The following RAD51B variants were observed in gnomAD, a reference collection of about 807,000 sequenced individuals.
RAD51B encodes the protein DNA repair protein RAD51 homolog 2.
Under a neutral mutation model 42.2 loss-of-function variants are expected in RAD51B, and 38 were observed. That is an observed-to-expected ratio of 0.90 (90% CI 0.70 to 1.18). The LOEUF is 1.18. Ranked by LOEUF, RAD51B falls within the 50% of genes most tolerant of loss-of-function variation. The pLI is 0.00. For missense variants in RAD51B, 373 were observed against 400.7 expected (o/e 0.93, Z 0.59); for synonymous variants, 154 against 145.2 (o/e 1.06, Z -0.43).
chr14:67,881,823 C>T (rs1000073169), intron 5 of RAD51B, among the ~76,000 whole-genome samples: 3 of 152,168 alleles, frequency 2.0e-5, no homozygotes, highest in South Asian at 4.1e-4. Context: ...AAGTGGAAAT[C>T]CCTTCTTTCA....
intron 7 of RAD51B, among the ~76,000 whole-genome samples, chr14:68,101,005 G>A (rs555446518): frequency 1.3e-5 from 2 of 152,328 alleles, no homozygotes; most frequent in East Asian, 3.9e-4. Flanking sequence ...GGCAGAAGGG[G>A]AAGCAAATAT....
intron 7 of RAD51B, among the ~76,000 whole-genome samples, chr14:68,059,309 C>T (rs920026490): frequency 6.6e-6 from 1 of 152,206 alleles, no homozygotes; most frequent in South Asian, 2.1e-4. Flanking sequence ...GTTATCTTCA[C>T]AAGATCTGAG....
chr14:68,555,398 C>A (rs551533458), intron 10 of RAD51B, among the ~76,000 whole-genome samples: 1 of 152,308 alleles, frequency 6.6e-6, no homozygotes, highest in East Asian at 1.9e-4. Flanking sequence ...ACATGAAACG[C>A]GCCAGAGTGT....
chr14:68,093,000 G>A (rs1339804786), intron 7 of RAD51B, among the ~76,000 whole-genome samples: 15 of 149,614 alleles, frequency 1.0e-4, no homozygotes, highest in East Asian at 1.9e-4. Flanking sequence ...GCTGGATTAC[G>A]TTTATTGATT....
intron 7 of RAD51B, among the ~76,000 whole-genome samples, chr14:68,262,214 A>G (rs1479190718): frequency 6.6e-6 from 1 of 152,120 alleles, no homozygotes; most frequent in African/African-American, 2.4e-5. Flanking sequence ...TGGAAAGAGG[A>G]GAAGGCATGA....
At chr14:68,326,756 G>T (rs2082259672) in intron 8 of RAD51B, among the ~76,000 whole-genome samples, 1 of 152,162 alleles carries the variant, frequency 6.6e-6, no homozygotes, top group Non-Finnish European at 1.5e-5. Flanking sequence ...TATTGTGTCA[G>T]CCAGGATGCC....
intron 7 of RAD51B, among the ~76,000 whole-genome samples, chr14:68,102,353 A>AT (rs1429804875): frequency 2.0e-5 from 3 of 152,034 alleles, no homozygotes; most frequent in East Asian, 1.9e-4. Flanking sequence ...TTCTATTGCA[A>AT]TTTTTTAAAA....
chr14:68,281,879 G>A (rs771686350), intron 7 of RAD51B, among the ~76,000 whole-genome samples: 1 of 152,092 alleles, frequency 6.6e-6, no homozygotes, highest in Non-Finnish European at 1.5e-5. Context: ...AGTGTTCCAG[G>A]AGGCCATTTC....
chr14:68,570,179 C>A (rs1889624081), intron 10 of RAD51B, among the ~76,000 whole-genome samples: 1 of 152,098 alleles, frequency 6.6e-6, no homozygotes, highest in Non-Finnish European at 1.5e-5. Context: ...ATACCCAGGT[C>A]CCTCTGCCCT....
At chr14:68,309,300 T>C (rs1391555974) in intron 8 of RAD51B, among the ~76,000 whole-genome samples, 1 of 152,150 alleles carries the variant, frequency 6.6e-6, no homozygotes, top group Non-Finnish European at 1.5e-5. Context: ...AGTGTGGATG[T>C]CTGTTACCCA....
At chr14:68,288,626 G>A (rs2081457779) in intron 7 of RAD51B, among the ~76,000 whole-genome samples, 1 of 152,226 alleles carries the variant, frequency 6.6e-6, no homozygotes, top group Non-Finnish European at 1.5e-5. Flanking sequence ...AGTGAAGTGA[G>A]AATAAAACTG....
At chr14:68,144,103 A>T (rs1040328327) in intron 7 of RAD51B, among the ~76,000 whole-genome samples, 1 of 152,148 alleles carries the variant, frequency 6.6e-6, no homozygotes, top group South Asian at 2.1e-4. Context: ...GGATAACCAG[A>T]GCCTCTGTAC....
chr14:68,579,081 A>G (rs1890097921), intron 10 of RAD51B, among the ~76,000 whole-genome samples: 1 of 152,120 alleles, frequency 6.6e-6, no homozygotes, highest in Admixed American at 6.5e-5. Context: ...TGCCAGATTC[A>G]GCTCTCTTGA....
chr14:68,276,226 T>G (rs1490888903), intron 7 of RAD51B, among the ~76,000 whole-genome samples: 1 of 152,148 alleles, frequency 6.6e-6, no homozygotes, highest in African/African-American at 2.4e-5. Context: ...CTTCTGCCAT[T>G]TAGAATGACC....
chr14:68,029,705 C>T (rs1344706475), intron 7 of RAD51B, among the ~76,000 whole-genome samples: 1 of 152,148 alleles, frequency 6.6e-6, no homozygotes, highest in Admixed American at 6.5e-5. Context: ...TGACCTTTTC[C>T]AGCGAATCAG....
intron 4 of RAD51B, among the ~76,000 whole-genome samples, chr14:67,853,167 C>T (rs1161630213): frequency 6.6e-6 from 1 of 152,176 alleles, no homozygotes; most frequent in African/African-American, 2.4e-5. Flanking sequence ...GAACCTCAGA[C>T]CTAGAGCTGC....
At chr14:68,093,942 C>T (rs2077147704) in intron 7 of RAD51B, among the ~76,000 whole-genome samples, 2 of 152,322 alleles carry the variant, frequency 1.3e-5, no homozygotes, top group South Asian at 4.1e-4. Context: ...CCTGGAATGG[C>T]TGCACCAGTC....
rs190003141 is a variant in RAD51B at position 68,032,536 on chromosome 14, T to C, written c.756+145332T>C. On this transcript the variant is annotated intron_variant, in intron 7 of 10. Transcript: ENST00000471583. ...CAGATGCCCTTGTTCTTTTGCCCTCTCTACATTTAATCATCAAACAGAGTT... is the reference window on the plus strand; with the variant it reads ...CAGATGCCCTTGTTCTTTTGCCCTCCCTACATTTAATCATCAAACAGAGTT... 9.5e-4 allele frequency among the ~76,000 whole-genome samples: 145 copies of C among 152,320 alleles called. 1 individual carries two copies. The highest frequency in any genetic ancestry group is 3.2e-3 in the African/African-American group (134 of 41,566).
At chr14:68,527,235 C>T (rs1886992504) in intron 10 of RAD51B, among the ~76,000 whole-genome samples, 1 of 152,176 alleles carries the variant, frequency 6.6e-6, no homozygotes, top group South Asian at 2.1e-4. Flanking sequence ...TTAACCTTAT[C>T]CCCATGAAAG....
Sources: allele counts gnomAD v4.1 joint callset (sites outside exome capture counted in the v4.1 genomes callset), GRCh38; gene constraint gnomAD v4.1.1; transcripts MANE v1.5; gene names NCBI Gene and HGNC (gene_info 2026-07-23, HGNC 2026-07-21).